The following FBXL20 variants were observed in gnomAD, a reference collection of about 807,000 sequenced individuals.
The protein encoded by FBXL20 is F-box and leucine rich repeat protein 20.
Under a neutral mutation model 64.0 loss-of-function variants are expected in FBXL20, and 11 were observed. That is an observed-to-expected ratio of 0.17 (90% CI 0.11 to 0.28). The LOEUF is 0.28. Among genes scored for constraint, FBXL20 ranks in the 10% least tolerant of loss-of-function variants. FBXL20 has a pLI of 1.00. For missense variants in FBXL20, 303 were observed against 526.2 expected, an observed-to-expected ratio of 0.58 and a Z score of 4.15; for synonymous variants, 184 against 189.0, an observed-to-expected ratio of 0.97 and a Z score of 0.22.
intron 1 of FBXL20, among the ~76,000 whole-genome samples, chr17:39,362,605 G>T (rs1203815250): frequency 6.6e-6 from 1 of 151,406 alleles, no homozygotes; most frequent in African/African-American, 2.4e-5. Context: ...TTACAGGCGT[G>T]AGCCACCACA....
intron 5 of FBXL20, among the ~76,000 whole-genome samples, chr17:39,298,719 A>G (rs1171999792): frequency 1.3e-5 from 2 of 152,138 alleles, no homozygotes; most frequent in Non-Finnish European, 2.9e-5. Flanking sequence ...GTCTCAAAAC[A>G]TAAAATAAAA....
chr17:39,313,982 A>AT (rs996593264), intron 2 of FBXL20, among the ~76,000 whole-genome samples: 23 of 152,104 alleles, frequency 1.5e-4, no homozygotes, highest in East Asian at 1.9e-4. Flanking sequence ...TAATTCGGTG[A>AT]TTTTTTTTAG....
At chr17:39,309,740 C>G (rs543328505) in intron 2 of FBXL20, among the ~76,000 whole-genome samples, 1 of 145,518 alleles carries the variant, frequency 6.9e-6, no homozygotes, top group East Asian at 2.0e-4. Context: ...TGCAGTGAGC[C>G]GAGATCATGC....
chr17:39,350,002 A>G (rs1159568072), intron 1 of FBXL20, among the ~76,000 whole-genome samples: 2 of 152,094 alleles, frequency 1.3e-5, no homozygotes, highest in Non-Finnish European at 2.9e-5. Flanking sequence ...AAAATATTCT[A>G]TCAAACACTC....
intron 1 of FBXL20, among the ~76,000 whole-genome samples, chr17:39,372,662 C>G (rs961756896): frequency 6.9e-6 from 1 of 144,952 alleles, no homozygotes; most frequent in Non-Finnish European, 1.5e-5. Flanking sequence ...GTTGCCCAGG[C>G]TGTAGTGCAA....
At chr17:39,389,905 G>C (rs1462521711) in intron 1 of FBXL20, among the ~76,000 whole-genome samples, 2 of 152,198 alleles carry the variant, frequency 1.3e-5, no homozygotes, top group African/African-American at 4.8e-5. Context: ...AGAGAAGGAA[G>C]AATGACCCAT....
chr17:39,281,890 T>C (rs1333443246), intron 8 of FBXL20, among the ~76,000 whole-genome samples: 2 of 152,192 alleles, frequency 1.3e-5, no homozygotes, highest in African/African-American at 4.8e-5. Context: ...CATCTCCCAC[T>C]GGAAGATAGG....
intron 10 of FBXL20, among the ~76,000 whole-genome samples, chr17:39,272,358 C>G (rs1241001501): frequency 1.3e-5 from 2 of 150,970 alleles, no homozygotes; most frequent in Non-Finnish European, 2.9e-5. Context: ...TGCGCTCCAG[C>G]CTGGCAACAG....
chr17:39,316,673 T>G (rs1007601611), intron 2 of FBXL20, among the ~76,000 whole-genome samples: 2 of 152,188 alleles, frequency 1.3e-5, no homozygotes, highest in Non-Finnish European at 2.9e-5. Context: ...CTGATGTAAA[T>G]TAATAAACTG....
chr17:39,347,360 C>T (rs199549640), intron 1 of FBXL20, among the ~76,000 whole-genome samples: 54 of 152,190 alleles, frequency 3.5e-4, no homozygotes, highest in African/African-American at 8.2e-4. Context: ...TGTTGTTTCC[C>T]GACTTTTTAA....
At chr17:39,301,303 GA>G (rs1364446730) in intron 3 of FBXL20, among the ~76,000 whole-genome samples, 1 of 152,110 alleles carries the variant, frequency 6.6e-6, no homozygotes, top group Non-Finnish European at 1.5e-5. Context: ...AGCTACAAAA[GA>G]TCTTAGGCCA....
intron 2 of FBXL20, among the ~76,000 whole-genome samples, chr17:39,333,608 C>T (rs975839734): frequency 5.3e-5 from 8 of 152,054 alleles, no homozygotes; most frequent in Non-Finnish European, 1.0e-4. Flanking sequence ...GGCCACCCAT[C>T]GTCTGGGATG....
At chr17:39,309,068 A>G (rs1428556931) in intron 2 of FBXL20, among the ~76,000 whole-genome samples, 2 of 152,142 alleles carry the variant, frequency 1.3e-5, no homozygotes, top group Admixed American at 1.3e-4. Context: ...GTTCCAGCAA[A>G]GCCATTTTTT....
At chr17:39,268,233 A>G (rs957372260) in intron 12 of FBXL20, among the ~76,000 whole-genome samples, 5 of 152,246 alleles carry the variant, frequency 3.3e-5, no homozygotes, top group Admixed American at 6.5e-5. Context: ...CATGCCTGTA[A>G]TCCCAGCTAC....
At chr17:39,355,855 C>CAAAAAA (rs746086439) in intron 1 of FBXL20, among the ~76,000 whole-genome samples, 13 of 67,592 alleles carry the variant, frequency 1.9e-4, no homozygotes, top group African/African-American at 5.3e-4. Context: ...GACTTCGTCT[C>CAAAAAA]AAAAAAAAAA....
intron 2 of FBXL20, among the ~76,000 whole-genome samples, chr17:39,308,905 C>T (rs1026494329): frequency 6.6e-6 from 1 of 152,040 alleles, no homozygotes; most frequent in African/African-American, 2.4e-5. Context: ...GGAATACACC[C>T]ATTCATACAA....
chr17:39,338,867 A>G (rs1389530932), intron 2 of FBXL20, among the ~76,000 whole-genome samples: 2 of 152,136 alleles, frequency 1.3e-5, no homozygotes, highest in African/African-American at 2.4e-5. Context: ...ACTGACCAAT[A>G]TTCTTTAAAA....
At chr17:39,296,409 A>T (rs1479426693) in intron 6 of FBXL20, among the ~76,000 whole-genome samples, 1 of 151,838 alleles carries the variant, frequency 6.6e-6, no homozygotes, top group Non-Finnish European at 1.5e-5. Flanking sequence ...AAATACAAAA[A>T]ATAAGCCGGG....
intron 12 of FBXL20, among the ~76,000 whole-genome samples, chr17:39,267,940 T>C (rs1213697370): frequency 1.3e-5 from 2 of 152,210 alleles, no homozygotes; most frequent in Non-Finnish European, 2.9e-5. Flanking sequence ...TTTTAGAAAG[T>C]GGCTTTTACA....
Sources: allele counts gnomAD v4.1 joint callset (sites outside exome capture counted in the v4.1 genomes callset), GRCh38; gene constraint gnomAD v4.1.1; transcripts MANE v1.5; gene names NCBI Gene and HGNC (gene_info 2026-07-23, HGNC 2026-07-21).